DLG2: variants seen among roughly 807,000 people sequenced by gnomAD.
DLG2 encodes the protein disks large homolog 2.
Under a neutral mutation model 132.5 loss-of-function variants are expected in DLG2, and 45 were observed. The observed-to-expected ratio is 0.34, with a 90% confidence interval of 0.27 to 0.44. DLG2 has a LOEUF of 0.44. Ranked by LOEUF, DLG2 falls within the 20% of genes least tolerant of loss-of-function variation. The probability of loss-of-function intolerance (pLI) is 1.00; values close to 1 mark genes in which losing one functional copy is unlikely to be tolerated. For synonymous variants in DLG2, 424 were observed against 419.6 expected (o/e 1.01, Z -0.13); for missense variants, 1,045 against 1,196.9 (o/e 0.87, Z 1.87).
At chr11:83,623,114 A>G (rs1490072105) in intron 19 of DLG2, among the ~76,000 whole-genome samples, 1 of 152,136 alleles carries the variant, frequency 6.6e-6, no homozygotes, top group East Asian at 1.9e-4. Flanking sequence ...GTGTGTATAT[A>G]TTTAAGATAG....
At chr11:83,656,348 T>C (rs1010409892) in intron 18 of DLG2, among the ~76,000 whole-genome samples, 1 of 152,204 alleles carries the variant, frequency 6.6e-6, no homozygotes, top group Non-Finnish European at 1.5e-5. Flanking sequence ...TCAGGGCCTT[T>C]CCACCCATCA....
At chr11:83,878,536 A>T (rs2065337436) in intron 15 of DLG2, among the ~76,000 whole-genome samples, 1 of 152,164 alleles carries the variant, frequency 6.6e-6, no homozygotes, top group South Asian at 2.1e-4. Context: ...ACTGAGTAAC[A>T]CTGACAAATT....
At chr11:83,819,633 C>A (rs2050188862) in intron 17 of DLG2, among the ~76,000 whole-genome samples, 1 of 151,808 alleles carries the variant, frequency 6.6e-6, no homozygotes, top group Non-Finnish European at 1.5e-5. Flanking sequence ...ACACACAAAA[C>A]CTGAGAGATA....
In DLG2 at chr11:85,347,143, T is replaced by C. The variant is rs796472649; in HGVS notation, c.41-61778A>G. Among the ~76,000 whole-genome samples, 15 of 152,270 alleles carry C rather than the reference T, an allele frequency of 9.9e-5. No homozygotes were observed. In the East Asian group the frequency reaches 2.1e-3, roughly 22 times the overall value. ...ATATTCTTGTTCCACTTTGCCACTT[T>C]TGGGGGTGCAGAAAATAATCACCCA... On this transcript the variant is annotated intron_variant, in intron 3 of 27. Coordinates refer to ENST00000376104, the MANE Select transcript of DLG2 (RefSeq NM_001142699.3).
chr11:85,009,995 A>G (rs1309819646), intron 6 of DLG2, among the ~76,000 whole-genome samples: 2 of 152,126 alleles, frequency 1.3e-5, no homozygotes, highest in African/African-American at 4.8e-5. Context: ...AATAAATTCA[A>G]CTTAAAGTAA....
intron 19 of DLG2, among the ~76,000 whole-genome samples, chr11:83,615,138 C>G (rs2060618218): frequency 6.6e-6 from 1 of 152,102 alleles, no homozygotes; most frequent in Non-Finnish European, 1.5e-5. Context: ...TTAGGAAGCA[C>G]CATTACAGAG....
At chr11:84,991,327 T>G (rs1438567579) in intron 6 of DLG2, among the ~76,000 whole-genome samples, 2 of 151,402 alleles carry the variant, frequency 1.3e-5, no homozygotes, top group African/African-American at 2.4e-5. Flanking sequence ...TGGGCAAAAT[T>G]GCAAAACCCC....
At chr11:85,619,013 C>CTTA (rs1157120069) in intron 2 of DLG2, among the ~76,000 whole-genome samples, 1 of 152,192 alleles carries the variant, frequency 6.6e-6, no homozygotes, top group African/African-American at 2.4e-5. Flanking sequence ...TTTATCTCTA[C>CTTA]GTCTTCCTCA....
intron 15 of DLG2, among the ~76,000 whole-genome samples, chr11:83,919,160 A>G (rs2077426531): frequency 6.6e-6 from 1 of 152,190 alleles, no homozygotes; most frequent in African/African-American, 2.4e-5. Context: ...AAGAATAACC[A>G]CAGAACTCCA....
chr11:83,956,761 C>T (rs779663916), intron 14 of DLG2, among the ~76,000 whole-genome samples: 3 of 152,198 alleles, frequency 2.0e-5, no homozygotes, highest in Non-Finnish European at 4.4e-5. Context: ...CTAGAACATG[C>T]TTGTACTGTA....
rs11602972 is a variant in DLG2, at chr11:85,272,251, A to C, written c.186+12969T>G. ...TATGATGTGCCTTCTTTCTGCCATAATTGTGAGGCCTCCCAAGCCATGTGG... is the reference window on the plus strand; with the variant it reads ...TATGATGTGCCTTCTTTCTGCCATACTTGTGAGGCCTCCCAAGCCATGTGG... On this transcript the variant is annotated intron_variant, in intron 4 of 27. Coordinates refer to ENST00000376104, the MANE Select transcript of DLG2 (RefSeq NM_001142699.3). 3.7e-3 allele frequency among the ~76,000 whole-genome samples: 561 copies of C among 152,186 alleles called. 2 individuals are homozygous for C. The highest frequency in any genetic ancestry group is 5.5e-3 in the Non-Finnish European group (375 of 68,008).
intron 3 of DLG2, among the ~76,000 whole-genome samples, chr11:85,493,869 A>G (rs756192315): frequency 1.4e-4 from 21 of 152,088 alleles, no homozygotes; most frequent in Non-Finnish European, 2.4e-4. Flanking sequence ...GAAAGAAAGA[A>G]AAAGAAAAAG....
intron 4 of DLG2, among the ~76,000 whole-genome samples, chr11:85,202,554 G>C (rs892268531): frequency 6.6e-6 from 1 of 151,968 alleles, no homozygotes. Flanking sequence ...GACCTAACAG[G>C]CATTTATAGA....
At chr11:83,737,707 A>G (rs923143827) in intron 18 of DLG2, among the ~76,000 whole-genome samples, 2 of 152,332 alleles carry the variant, frequency 1.3e-5, no homozygotes, top group Middle Eastern at 3.4e-3. Flanking sequence ...TAATCCCAGC[A>G]CTTTGGGAGG....
chr11:85,594,790 G>A (rs1006293106), intron 3 of DLG2, among the ~76,000 whole-genome samples: 2 of 151,686 alleles, frequency 1.3e-5, no homozygotes, highest in African/African-American at 4.8e-5. Flanking sequence ...ATTCAAGGCC[G>A]GGCACGGTGG....
At chr11:83,890,201 T>G (rs904953506) in intron 15 of DLG2, among the ~76,000 whole-genome samples, 1 of 152,148 alleles carries the variant, frequency 6.6e-6, no homozygotes, top group Non-Finnish European at 1.5e-5. Context: ...GATTTTCGTA[T>G]GCCAGCTAGG....
chr11:85,286,020 T>C, intron 3 of DLG2: 2 of 384,222 alleles, frequency 5.2e-6, no homozygotes, highest in Non-Finnish European at 5.0e-6. Context: ...ATGCAGACTG[T>C]TACAAAGGAA....
chr11:85,503,935 AAGG>A (rs377380905), intron 3 of DLG2, among the ~76,000 whole-genome samples: 176 of 151,700 alleles, frequency 1.2e-3, no homozygotes, highest in African/African-American at 2.8e-3. Context: ...CTGTCTCAAG[AAGG>A]AGGAGGAGGA....
At chr11:84,068,836 C>G (rs747598070) in intron 10 of DLG2, among the ~76,000 whole-genome samples, 3 of 152,112 alleles carry the variant, frequency 2.0e-5, no homozygotes, top group Non-Finnish European at 4.4e-5. Context: ...TAGATATTGT[C>G]GCCTTCATTC....
Sources: allele counts gnomAD v4.1 joint callset (sites outside exome capture counted in the v4.1 genomes callset), GRCh38; gene constraint gnomAD v4.1.1; transcripts MANE v1.5; gene names NCBI Gene and HGNC (gene_info 2026-07-23, HGNC 2026-07-21).